Variants in BAZ2B observed in about 807,000 individuals in gnomAD.
BAZ2B encodes bromodomain adjacent to zinc finger domain 2B, also known as bromodomain adjacent to zinc finger domain protein 2B.
In BAZ2B, 91 loss-of-function variants were observed where a neutral mutation model predicts 246.0. That is an observed-to-expected ratio of 0.37 (90% CI 0.31 to 0.44). The LOEUF (loss-of-function observed/expected upper bound fraction) is 0.44, where lower values mean the gene tolerates loss of function less well. BAZ2B is among the 20% of genes least tolerant of loss of function. BAZ2B has a pLI of 1.00. For missense variants in BAZ2B, 2,332 were observed against 2,533.7 expected, an observed-to-expected ratio of 0.92 and a Z score of 1.71; for synonymous variants, 855 against 860.0, an observed-to-expected ratio of 0.99 and a Z score of 0.10.
At chr2:159,649,150 A>AT in the BAZ2B span, among the ~76,000 whole-genome samples, 8 of 152,072 alleles carry the variant, frequency 5.3e-5, no homozygotes, top group Non-Finnish European at 1.0e-4. Context: ...CTCGTTGGCC[A>AT]TTTTAAAAAC....
At chr2:159,342,843 C>A (rs1476344469) in intron 31 of BAZ2B, among the ~76,000 whole-genome samples, 1 of 151,998 alleles carries the variant, frequency 6.6e-6, no homozygotes, top group Non-Finnish European at 1.5e-5. Context: ...ATAATACTAC[C>A]CAATGCGATC....
At chr2:159,457,021 G>A (rs1254855228) in intron 3 of BAZ2B, among the ~76,000 whole-genome samples, 1 of 152,072 alleles carries the variant, frequency 6.6e-6, no homozygotes, top group African/African-American at 2.4e-5. Context: ...AAAAAGTTCT[G>A]TAATGCTATA....
chr2:159,579,070 A>T (rs1185180884), intron 1 of BAZ2B, among the ~76,000 whole-genome samples: 2 of 152,182 alleles, frequency 1.3e-5, no homozygotes, highest in Admixed American at 6.5e-5. Flanking sequence ...AATAACTAAG[A>T]TCAGAGCAGA....
At chr2:159,480,289 G>C (rs1038675941) in intron 2 of BAZ2B, among the ~76,000 whole-genome samples, 16 of 152,114 alleles carry the variant, frequency 1.1e-4, no homozygotes, top group African/African-American at 3.9e-4. Flanking sequence ...ATTTGCCTTT[G>C]TACTCCACAG....
chr2:159,506,633 G>T (rs2082356344), intron 2 of BAZ2B, among the ~76,000 whole-genome samples: 1 of 152,144 alleles, frequency 6.6e-6, no homozygotes, highest in African/African-American at 2.4e-5. Flanking sequence ...GAATACTTCA[G>T]GCACAGCTTA....
At chr2:159,424,273 C>T (rs893731152) in intron 13 of BAZ2B, among the ~76,000 whole-genome samples, 2 of 152,010 alleles carry the variant, frequency 1.3e-5, no homozygotes, top group Non-Finnish European at 2.9e-5. Context: ...AGATTTATCA[C>T]AGGTTGCTGT....
chr2:159,354,824 G>C (rs907344549), intron 27 of BAZ2B, among the ~76,000 whole-genome samples: 3 of 152,162 alleles, frequency 2.0e-5, no homozygotes, highest in African/African-American at 7.2e-5. Context: ...GCAGAAGAAA[G>C]AAGAGGAAGG....
chr2:159,448,492 T>TA (rs1007037435), intron 4 of BAZ2B, 83 bp from the exon 5 acceptor site: 6 of 1,458,514 alleles, frequency 4.1e-6, no homozygotes, highest in African/African-American at 1.4e-5. Flanking sequence ...ATGTTTTATT[T>TA]AAAAAAATTT....
At chr2:159,351,031 C>A (rs1290320159) in intron 27 of BAZ2B, among the ~76,000 whole-genome samples, 1 of 152,042 alleles carries the variant, frequency 6.6e-6, no homozygotes, top group East Asian at 1.9e-4. Context: ...ACATTGTGCA[C>A]ATGTACCCTA....
chr2:159,481,401 C>T (rs991821782), intron 2 of BAZ2B, among the ~76,000 whole-genome samples: 55 of 150,850 alleles, frequency 3.6e-4, no homozygotes, highest in African/African-American at 1.3e-3. Context: ...GCACATCTAC[C>T]CTAGAACTTA....
At position 159,332,638 on chromosome 2, in the gene BAZ2B, AAAG is replaced by A. The variant is rs2064972117; in HGVS notation, c.5842_5844del (p.Leu1948del). 1.2e-6 allele frequency: 2 copies of A among 1,614,006 alleles called. No individual in the cohort carries two copies. Among genetic ancestry groups the A allele is most frequent in the Non-Finnish European group, 1.7e-6 (2 of 1,179,984 alleles). ...TGACAGCCTTTGTCACAGCCATCAC[AAAG>A]AAGAAGCAGTTCTTCATTATCTCCC... On this transcript the variant is annotated inframe_deletion, in exon 34 of 37. Coordinates refer to ENST00000392783, the MANE Select transcript of BAZ2B (RefSeq NM_013450.4).
At chr2:159,325,417 C>T (rs1410199827) in intron 35 of BAZ2B, among the ~76,000 whole-genome samples, 4 of 151,386 alleles carry the variant, frequency 2.6e-5, no homozygotes, top group African/African-American at 4.9e-5. Flanking sequence ...AGGTGTGAGC[C>T]GCTGTGCCAG....
intron 2 of BAZ2B, among the ~76,000 whole-genome samples, chr2:159,507,637 A>G (rs1475539992): frequency 6.6e-6 from 1 of 152,198 alleles, no homozygotes; most frequent in Non-Finnish European, 1.5e-5. Flanking sequence ...TAGGAATCAA[A>G]TTAGATCTAG....
intron 3 of BAZ2B, among the ~76,000 whole-genome samples, chr2:159,457,155 T>TAC (rs1436129404): frequency 2.0e-5 from 3 of 152,204 alleles, no homozygotes; most frequent in Non-Finnish European, 4.4e-5. Context: ...TTCATGAACA[T>TAC]ACCTATTAAA....
intron 6 of BAZ2B, among the ~76,000 whole-genome samples, chr2:159,441,953 A>G (rs1032672115): frequency 6.6e-6 from 1 of 152,254 alleles, no homozygotes; most frequent in Non-Finnish European, 1.5e-5. Flanking sequence ...AAACAAATAC[A>G]TATTCAAGGC....
At chr2:159,627,472 G>A in the BAZ2B span, among the ~76,000 whole-genome samples, 161 of 152,004 alleles carry the variant, frequency 1.1e-3, 1 homozygote, top group Non-Finnish European at 1.7e-3. Context: ...TATCCACCAC[G>A]ATCAAGTCAG....
chr2:159,367,166 T>C (rs1024376591), intron 27 of BAZ2B, among the ~76,000 whole-genome samples: 4 of 152,216 alleles, frequency 2.6e-5, no homozygotes, highest in Non-Finnish European at 5.9e-5. Flanking sequence ...TTTCTTAGAA[T>C]AATGAAGGAC....
the BAZ2B span, chr2:159,694,696 T>C: frequency 1.3e-5 from 2 of 152,262 alleles, no homozygotes; most frequent in South Asian, 2.1e-4. Context: ...AATATTCCAC[T>C]GGATGGATAT....
intron 25 of BAZ2B, among the ~76,000 whole-genome samples, chr2:159,378,882 T>C (rs923670785): frequency 3.3e-5 from 5 of 152,114 alleles, no homozygotes; most frequent in Non-Finnish European, 4.4e-5. Context: ...AAAATAGTGT[T>C]ACACTGTTGG....
Sources: gnomAD v4.1 joint callset for allele counts (sites outside exome capture counted in the v4.1 genomes callset) on GRCh38, gnomAD v4.1.1 for gene constraint, MANE v1.5 for transcripts, NCBI Gene and HGNC (gene_info 2026-07-23, HGNC 2026-07-21) for gene names.